ANO1: variants seen among roughly 807,000 people sequenced by gnomAD.
ANO1 encodes anoctamin 1.
In ANO1, 59 loss-of-function variants were observed where a neutral mutation model predicts 124.0. The ratio of observed to expected loss-of-function variants is 0.48; its 90% confidence interval spans 0.39 to 0.59. ANO1 has a LOEUF of 0.59. Ranked by LOEUF, ANO1 falls within the 20% of genes least tolerant of loss-of-function variation. The pLI is 0.00. For synonymous variants in ANO1, 529 were observed against 532.0 expected, an observed-to-expected ratio of 0.99 and a Z score of 0.08; for missense variants, 1,059 against 1,328.0, an observed-to-expected ratio of 0.80 and a Z score of 3.15.
intron 19 of ANO1, 21 bp from the exon 20 acceptor site, chr11:70,165,449 G>C (rs2048218988): frequency 6.3e-7 from 1 of 1,591,798 alleles, no homozygotes; most frequent in Non-Finnish European, 8.6e-7. Context: ...TAGCGTGGCT[G>C]ATGCTGCTCT....
In ANO1 at chr11:70,182,640, GC is replaced by G; in HGVS notation, c.2547del (p.Asn850MetfsTer55). On this transcript the variant is annotated frameshift_variant, in exon 24 of 26. Transcript: ENST00000355303. LOFTEE classifies it high-confidence loss of function. The stretch of plus-strand genomic sequence containing the variant: ...CGTCAGTGACTTCCAGAACGGCACG[GC>G]CCCCAATGACCCCCTGGACCTGGGC... Reference protein sequence around the residue: ...FNVSDFQNGTAPNDPLDLGYE... With the variant: ...FNVSDFQNGTXPNDPLDLGYE... 6.2e-7 allele frequency: 1 copy of G among 1,612,018 alleles called. No individual in the cohort carries two copies.
upstream of ANO1, among the ~76,000 whole-genome samples, chr11:70,073,898 G>A (rs531718096): frequency 1.2e-4 from 15 of 129,006 alleles, no homozygotes; most frequent in East Asian, 4.4e-4. Flanking sequence ...TCTGAGCTTC[G>A]GCCGGCAGTT....
intron 17 of ANO1, 94 bp downstream of exon 17, chr11:70,161,456 C>A (rs2276069): frequency 0.12 from 179,869 of 1,467,404 alleles, 12,088 homozygotes; most frequent in Middle Eastern, 0.2. Context: ...TGCTTAACTT[C>A]TCTGGGCCCC....
At chr11:70,127,361 T>A (rs1339761146) in intron 10 of ANO1, among the ~76,000 whole-genome samples, 1 of 152,142 alleles carries the variant, frequency 6.6e-6, no homozygotes, top group Non-Finnish European at 1.5e-5. Context: ...CAGGAACTGT[T>A]CCATAAGGGA....
intron 1 of ANO1, among the ~76,000 whole-genome samples, chr11:70,002,761 G>A (rs1003436704): frequency 1.2e-4 from 18 of 152,218 alleles, no homozygotes; most frequent in Admixed American, 5.2e-4. Context: ...GGGTGCCGTC[G>A]AGCACTTCCT....
At chr11:70,026,688 G>A (rs1856913827) in intron 1 of ANO1, among the ~76,000 whole-genome samples, 1 of 152,150 alleles carries the variant, frequency 6.6e-6, no homozygotes, top group African/African-American at 2.4e-5. Context: ...TCAGGAGGTT[G>A]CAATGAGCAC....
intron 2 of ANO1, among the ~76,000 whole-genome samples, chr11:70,098,268 G>A (rs1419381816): frequency 2.6e-5 from 4 of 152,234 alleles, no homozygotes; most frequent in Non-Finnish European, 5.9e-5. Context: ...TTGTCCAGGT[G>A]TTCTGTGGGT....
intron 2 of ANO1, among the ~76,000 whole-genome samples, chr11:70,091,194 C>T (rs1042639128): frequency 1.3e-5 from 2 of 152,166 alleles, no homozygotes; most frequent in Non-Finnish European, 2.9e-5. Context: ...TGGGAATGAA[C>T]CTTTCCCGGA....
At chr11:70,031,613 A>C (rs1312583494) in intron 1 of ANO1, among the ~76,000 whole-genome samples, 5 of 152,044 alleles carry the variant, frequency 3.3e-5, no homozygotes, top group African/African-American at 1.2e-4. Context: ...GGACCAAGAG[A>C]CTGGTGGGAG....
Position 69,995,102 on chromosome 11 carries a change from T to TG in ANO1, c.58+8936_58+8937insG, listed in dbSNP as rs1554998186. 9.5e-3 allele frequency among the ~76,000 whole-genome samples: 98 copies of TG among 10,312 alleles called. 3 individuals carry two copies. The highest frequency in any genetic ancestry group is 0.014 in the Admixed American group (9 of 626). 6.8% of individuals were successfully genotyped at this position (10,312 alleles called of 152,430 possible). A position where few individuals can be genotyped will look rare whatever the true frequency, so the allele number is the denominator to read the frequency against. Reference sequence around the variant, plus strand: ...CACAAATGCTGGCACTGTTTTTTTTTTTTTTTTTTTTTTTTGAGATGGAAT... The same window carrying TG: ...CACAAATGCTGGCACTGTTTTTTTTTGTTTTTTTTTTTTTTTGAGATGGAAT... On this transcript the variant is annotated intron_variant, in intron 1 of 27. Transcript: ENST00000531349.
intron 1 of ANO1, among the ~76,000 whole-genome samples, chr11:70,061,971 A>G (rs923574153): frequency 6.6e-6 from 1 of 151,782 alleles, no homozygotes. Flanking sequence ...TACAAAGGCC[A>G]TGTAATTCAT....
intron 1 of ANO1, chr11:70,085,535 C>G (rs2044338868): frequency 1.3e-6 from 2 of 1,535,990 alleles, no homozygotes; most frequent in Admixed American, 2.0e-5. Context: ...ACCAGGCCCT[C>G]CCAGGTGGTG....
chr11:70,049,214 C>T (rs1203937305), intron 1 of ANO1, among the ~76,000 whole-genome samples: 5 of 152,160 alleles, frequency 3.3e-5, no homozygotes, highest in East Asian at 3.9e-4. Flanking sequence ...CCACCACCAG[C>T]GCTTCTCAAT....
intron 6 of ANO1, chr11:70,111,247 G>T (rs1009228145): frequency 4.3e-6 from 2 of 463,272 alleles, no homozygotes; most frequent in African/African-American, 4.0e-5. Flanking sequence ...ATTCCAAATT[G>T]TATGTGTGTT....
chr11:70,095,386 GAA>G (rs1282824810), intron 2 of ANO1, among the ~76,000 whole-genome samples: 1 of 35,386 alleles, frequency 2.8e-5, no homozygotes, highest in East Asian at 4.9e-4. Context: ...AAGAAAGAAA[GAA>G]AGAAAGAAAG....
intron 1 of ANO1, among the ~76,000 whole-genome samples, chr11:69,994,381 TG>T (rs1856221018): frequency 1.3e-5 from 1 of 79,258 alleles, no homozygotes; most frequent in Admixed American, 1.2e-4. Context: ...GGTGGATGAA[TG>T]GATGGATGGG....
At chr11:70,085,828 A>G (rs1053099654) in intron 1 of ANO1, among the ~76,000 whole-genome samples, 1 of 152,192 alleles carries the variant, frequency 6.6e-6, no homozygotes, top group Admixed American at 6.5e-5. Flanking sequence ...CTTCCCTGAT[A>G]CACTTTGGGT....
At chr11:70,025,067 C>A (rs528759575) in intron 1 of ANO1, among the ~76,000 whole-genome samples, 12 of 152,182 alleles carry the variant, frequency 7.9e-5, no homozygotes, top group Non-Finnish European at 7.3e-5. Flanking sequence ...AAAATAAAAG[C>A]CTTCCATGGC....
At chr11:70,099,112 G>A (rs1371579308) in intron 2 of ANO1, among the ~76,000 whole-genome samples, 1 of 152,070 alleles carries the variant, frequency 6.6e-6, no homozygotes. Context: ...CGTGGCTCTC[G>A]ACAAAGTAGG....
Sources: allele counts gnomAD v4.1 joint callset (sites outside exome capture counted in the v4.1 genomes callset), GRCh38; gene constraint gnomAD v4.1.1; transcripts MANE v1.5; gene names NCBI Gene and HGNC (gene_info 2026-07-23, HGNC 2026-07-21).